Variants in CADPS2 observed in about 807,000 individuals in gnomAD.
CADPS2 encodes the protein calcium dependent secretion activator 2, also known as calcium-dependent secretion activator 2.
A neutral mutation model predicts 172.5 loss-of-function variants in CADPS2; 93 were observed. The ratio of observed to expected loss-of-function variants is 0.54; its 90% CI spans 0.46 to 0.64. CADPS2 has a LOEUF of 0.64. CADPS2 is among the 30% of genes least tolerant of loss of function. The pLI, the probability that CADPS2 is intolerant of heterozygous loss-of-function variation, is 0.00. For synonymous variants in CADPS2, 546 were observed against 555.2 expected, an observed-to-expected ratio of 0.98 and a Z score of 0.23; for missense variants, 1,420 against 1,565.9, an observed-to-expected ratio of 0.91 and a Z score of 1.57.
chr7:122,505,714 C>T (rs2059560606), intron 9 of CADPS2, among the ~76,000 whole-genome samples: 1 of 152,188 alleles, frequency 6.6e-6, no homozygotes, highest in Admixed American at 6.5e-5. Flanking sequence ...AAGGTGCAAT[C>T]TGGCGTTTCG....
intron 25 of CADPS2, among the ~76,000 whole-genome samples, chr7:122,366,105 T>G (rs572445957): frequency 6.6e-6 from 1 of 151,670 alleles, no homozygotes; most frequent in African/African-American, 2.4e-5. Flanking sequence ...GTTTTGTTTT[T>G]TTTTTTGTTA....
intron 14 of CADPS2, among the ~76,000 whole-genome samples, chr7:122,455,152 C>T (rs1381452986): frequency 1.3e-5 from 2 of 152,148 alleles, no homozygotes; most frequent in African/African-American, 2.4e-5. Flanking sequence ...ATGCTGGCCT[C>T]CTAACTAGTC....
chr7:122,552,406 G>C (rs1563679390), intron 8 of CADPS2, among the ~76,000 whole-genome samples: 2 of 152,052 alleles, frequency 1.3e-5, no homozygotes, highest in Non-Finnish European at 2.9e-5. Flanking sequence ...GAGCTTTATG[G>C]ATTAAATTAA....
intron 8 of CADPS2, among the ~76,000 whole-genome samples, chr7:122,520,597 C>A (rs992825208): frequency 6.6e-6 from 1 of 151,924 alleles, no homozygotes; most frequent in East Asian, 1.9e-4. Context: ...AAAGACATAG[C>A]TAATATTCTC....
intron 19 of CADPS2, among the ~76,000 whole-genome samples, chr7:122,411,126 C>G (rs1426934143): frequency 6.6e-6 from 1 of 152,106 alleles, no homozygotes; most frequent in Admixed American, 6.6e-5. Flanking sequence ...CATCCATCTA[C>G]CATCAGCAGA....
intron 1 of CADPS2, among the ~76,000 whole-genome samples, chr7:122,791,401 C>CAATATTTTAAA (rs1289577352): frequency 2.0e-5 from 3 of 151,858 alleles, no homozygotes; most frequent in Non-Finnish European, 4.4e-5. Context: ...TTCCATGGGT[C>CAATATTTTAAA]ATTTTCTTTG....
At chr7:122,404,236 T>C (rs1161563293) in intron 20 of CADPS2, among the ~76,000 whole-genome samples, 1 of 151,988 alleles carries the variant, frequency 6.6e-6, no homozygotes, top group East Asian at 1.9e-4. Context: ...AGTGAGAATA[T>C]ACGGTGTTTG....
At chr7:122,689,327 G>A (rs1254364744) in intron 2 of CADPS2, among the ~76,000 whole-genome samples, 2 of 152,170 alleles carry the variant, frequency 1.3e-5, no homozygotes, top group South Asian at 2.1e-4. Flanking sequence ...TTGGGCAGCT[G>A]TGGCTATGTC....
intron 28 of CADPS2, among the ~76,000 whole-genome samples, chr7:122,338,307 T>C (rs980008799): frequency 6.6e-6 from 1 of 152,110 alleles, no homozygotes; most frequent in Non-Finnish European, 1.5e-5. Flanking sequence ...TGAGGAAGAA[T>C]TGCTTGAGCC....
chr7:122,450,192 A>AT (rs1300303807), intron 15 of CADPS2, among the ~76,000 whole-genome samples: 1 of 152,132 alleles, frequency 6.6e-6, no homozygotes, highest in African/African-American at 2.4e-5. Flanking sequence ...CACTAAGTTT[A>AT]TTTTTTAAAT....
At chr7:122,540,864 T>C (rs909120407) in intron 8 of CADPS2, among the ~76,000 whole-genome samples, 3 of 152,122 alleles carry the variant, frequency 2.0e-5, no homozygotes, top group African/African-American at 7.2e-5. Flanking sequence ...ATATGACTTA[T>C]AAAAACCAAT....
At chr7:122,815,585 G>T (rs958139549) in intron 1 of CADPS2, among the ~76,000 whole-genome samples, 8 of 149,658 alleles carry the variant, frequency 5.3e-5, no homozygotes, top group African/African-American at 2.0e-4. Context: ...TAGACCTGGA[G>T]GAAAAAAAAA....
At chr7:122,590,966 CAAT>C (rs1336436943) in intron 6 of CADPS2, among the ~76,000 whole-genome samples, 2 of 151,712 alleles carry the variant, frequency 1.3e-5, no homozygotes, top group South Asian at 2.1e-4. Context: ...ATTGGGTGAT[CAAT>C]AATGTTTATA....
chr7:122,325,579 T>C lies in CADPS2; in HGVS notation c.3615A>G (p.Gln1205=). ...EEMYIEKLFD[Q]WYSSSMKVIC... ...TGACTTTCATGGAACTGCTGTACCATTGCTAGAAGGGAGAATTGGGGCACA... is the reference window on the plus strand; with the variant it reads ...TGACTTTCATGGAACTGCTGTACCACTGCTAGAAGGGAGAATTGGGGCACA... Residue 1205 remains glutamine (Q), a splice_region_variant and synonymous_variant, in exon 29 of 30, where the codon CAA becomes CAG. Transcript: ENST00000449022. 1 of 1,603,754 alleles carries C rather than the reference T, an allele frequency of 6.2e-7. No individual in the cohort carries two copies. Among genetic ancestry groups the C allele is most frequent in the Non-Finnish European group, 8.5e-7 (1 of 1,173,110 alleles).
At chr7:122,725,548 T>A (rs1339787067) in intron 2 of CADPS2, among the ~76,000 whole-genome samples, 3 of 93,508 alleles carry the variant, frequency 3.2e-5, no homozygotes, top group Middle Eastern at 8.3e-3. Context: ...CTCACTTCCC[T>A]CCCCCCACCC....
chr7:122,776,510 G>A (rs376856192), intron 1 of CADPS2, among the ~76,000 whole-genome samples: 1 of 152,028 alleles, frequency 6.6e-6, no homozygotes, highest in East Asian at 1.9e-4. Flanking sequence ...AAATGTGGAA[G>A]TGACTTTGAA....
intron 17 of CADPS2, chr7:122,424,537 T>G (rs775805627): frequency 6.6e-6 from 1 of 152,510 alleles, no homozygotes. Flanking sequence ...TCTGTAAGAC[T>G]ATCTTGGGGT....
intron 23 of CADPS2, among the ~76,000 whole-genome samples, chr7:122,388,253 CT>C (rs1022672162): frequency 2.1e-4 from 32 of 152,020 alleles, no homozygotes; most frequent in African/African-American, 7.5e-4. Flanking sequence ...CATAACAGAC[CT>C]TTTTCATACG....
At chr7:122,858,755 C>G (rs1412369043) in intron 1 of CADPS2, among the ~76,000 whole-genome samples, 1 of 152,068 alleles carries the variant, frequency 6.6e-6, no homozygotes. Flanking sequence ...GCTGTGTGGC[C>G]ACTGGACATC....
Sources: gnomAD v4.1 joint callset for allele counts (sites outside exome capture counted in the v4.1 genomes callset) on GRCh38, gnomAD v4.1.1 for gene constraint, MANE v1.5 for transcripts, NCBI Gene and HGNC (gene_info 2026-07-23, HGNC 2026-07-21) for gene names.